RORA: variants seen among roughly 807,000 people sequenced by gnomAD.
RORA encodes the protein RAR related orphan receptor A.
RORA carries 7 observed loss-of-function variants against 69.5 expected under a neutral mutation model. The ratio of observed to expected loss-of-function variants is 0.10; its 90% CI spans 0.06 to 0.19. The LOEUF (loss-of-function observed/expected upper bound fraction) is 0.19, where lower values mean the gene tolerates loss of function less well. Ranked by LOEUF, RORA falls within the 10% of genes least tolerant of loss-of-function variation. The probability of loss-of-function intolerance (pLI) is 1.00; values close to 1 mark genes in which losing one functional copy is unlikely to be tolerated. For synonymous variants in RORA, 261 were observed against 240.8 expected (o/e 1.08, Z -0.78); for missense variants, 457 against 663.0 (o/e 0.69, Z 3.41).
chr15:60,966,938 T>C (rs1363847163), intron 1 of RORA, among the ~76,000 whole-genome samples: 1 of 152,168 alleles, frequency 6.6e-6, no homozygotes, highest in Non-Finnish European at 1.5e-5. Context: ...GGGCCATGAA[T>C]CGGTGTCATA....
At chr15:60,820,415 G>A (rs1226099025) in intron 1 of RORA, among the ~76,000 whole-genome samples, 2 of 152,144 alleles carry the variant, frequency 1.3e-5, no homozygotes, top group African/African-American at 4.8e-5. Context: ...CTTTAAGGGT[G>A]TTGGAGGTCT....
chr15:60,626,587 C>G (rs558967534), intron 2 of RORA, among the ~76,000 whole-genome samples: 1 of 152,280 alleles, frequency 6.6e-6, no homozygotes, highest in East Asian at 1.9e-4. Context: ...CGTGGATTGT[C>G]TCCTGTCAAC....
chr15:60,526,349 C>G (rs1034984799), intron 3 of RORA, among the ~76,000 whole-genome samples: 10 of 152,340 alleles, frequency 6.6e-5, no homozygotes, highest in Admixed American at 3.3e-4. Context: ...AATGGTTATT[C>G]CCAAGCACGC....
chr15:60,687,255 G>T (rs888741301), intron 1 of RORA, among the ~76,000 whole-genome samples: 3 of 152,160 alleles, frequency 2.0e-5, no homozygotes, highest in Non-Finnish European at 4.4e-5. Context: ...AAGTAGAGAG[G>T]TGGTGACCAG....
At chr15:60,510,821 T>A (rs2065670821) in intron 5 of RORA, among the ~76,000 whole-genome samples, 1 of 152,000 alleles carries the variant, frequency 6.6e-6, no homozygotes, top group Non-Finnish European at 1.5e-5. Context: ...TTTAAAACTC[T>A]GCCCTGGGCA....
intron 2 of RORA, among the ~76,000 whole-genome samples, chr15:60,542,287 A>G (rs1022119419): frequency 1.3e-5 from 2 of 152,098 alleles, no homozygotes; most frequent in African/African-American, 2.4e-5. Flanking sequence ...TTTAATGCCA[A>G]TAGCTGCTAC....
At chr15:60,674,718 A>G (rs1246142086) in intron 2 of RORA, among the ~76,000 whole-genome samples, 1 of 152,224 alleles carries the variant, frequency 6.6e-6, no homozygotes, top group Non-Finnish European at 1.5e-5. Flanking sequence ...AACTGAAAAT[A>G]TTTCCGAAGA....
At chr15:61,197,528 A>C (rs2079855993) in intron 1 of RORA, among the ~76,000 whole-genome samples, 1 of 151,942 alleles carries the variant, frequency 6.6e-6, no homozygotes, top group African/African-American at 2.4e-5. Flanking sequence ...CAAATCTCTC[A>C]TTTCTCCCTC....
intron 1 of RORA, among the ~76,000 whole-genome samples, chr15:60,691,616 G>T (rs904831450): frequency 6.6e-6 from 1 of 152,206 alleles, no homozygotes; most frequent in Non-Finnish European, 1.5e-5. Flanking sequence ...AGAGAGGTTT[G>T]CACAGCTGAA....
intron 1 of RORA, among the ~76,000 whole-genome samples, chr15:60,943,101 T>C (rs978559169): frequency 6.6e-6 from 1 of 152,230 alleles, no homozygotes; most frequent in South Asian, 2.1e-4. Flanking sequence ...TGGCATCATG[T>C]TCTAAATCAA....
intron 1 of RORA, among the ~76,000 whole-genome samples, chr15:60,750,780 T>C (rs1230552656): frequency 6.6e-6 from 1 of 152,242 alleles, no homozygotes; most frequent in Non-Finnish European, 1.5e-5. Flanking sequence ...TCAGGGAAGG[T>C]ATTCAGTATT....
intron 1 of RORA, among the ~76,000 whole-genome samples, chr15:60,702,734 C>T (rs201315139): frequency 7.0e-4 from 106 of 152,292 alleles, no homozygotes; most frequent in Middle Eastern, 3.4e-3. Flanking sequence ...GTCCTAAAAA[C>T]GGTAGTTCCT....
At chr15:61,225,193 C>T (rs2140951826) in intron 1 of RORA, among the ~76,000 whole-genome samples, 1 of 152,124 alleles carries the variant, frequency 6.6e-6, no homozygotes, top group Non-Finnish European at 1.5e-5. Flanking sequence ...GAGCAATTTA[C>T]CGGAAAATTA....
At chr15:61,188,158 G>A (rs544881742) in intron 1 of RORA, among the ~76,000 whole-genome samples, 4 of 152,038 alleles carry the variant, frequency 2.6e-5, no homozygotes, top group Non-Finnish European at 4.4e-5. Flanking sequence ...TTCCCCACCC[G>A]ACACACCTCA....
At chr15:61,004,654 C>G (rs1894856560) in intron 1 of RORA, among the ~76,000 whole-genome samples, 2 of 152,138 alleles carry the variant, frequency 1.3e-5, no homozygotes, top group African/African-American at 4.8e-5. Flanking sequence ...TCTAGGGAAG[C>G]TGAACTTTAA....
At chr15:60,770,780 G>A (rs2072061731) in intron 1 of RORA, among the ~76,000 whole-genome samples, 1 of 152,134 alleles carries the variant, frequency 6.6e-6, no homozygotes, top group South Asian at 2.1e-4. Flanking sequence ...GCTTCACCAT[G>A]CCTGGCTAGT....
intron 2 of RORA, among the ~76,000 whole-genome samples, chr15:60,626,622 C>T (rs2069589454): frequency 6.6e-6 from 1 of 152,134 alleles, no homozygotes; most frequent in South Asian, 2.1e-4. Context: ...ATGAGGCTGT[C>T]GCTGTTATTA....
intron 1 of RORA, among the ~76,000 whole-genome samples, chr15:61,065,773 C>T (rs1048765111): frequency 3.3e-5 from 5 of 152,150 alleles, no homozygotes; most frequent in African/African-American, 1.2e-4. Flanking sequence ...CCTTTTAGAG[C>T]ACAAAAATTA....
intron 1 of RORA, among the ~76,000 whole-genome samples, chr15:61,073,757 G>A (rs1320400474): frequency 6.6e-6 from 1 of 152,176 alleles, no homozygotes; most frequent in African/African-American, 2.4e-5. Context: ...ATGAGAGGCA[G>A]GCAATCCATG....
Sources: gnomAD v4.1 joint callset for allele counts (sites outside exome capture counted in the v4.1 genomes callset) on GRCh38, gnomAD v4.1.1 for gene constraint, MANE v1.5 for transcripts, NCBI Gene and HGNC (gene_info 2026-07-23, HGNC 2026-07-21) for gene names.